The following IQCB1 variants were observed in gnomAD, a reference collection of about 807,000 sequenced individuals.
IQCB1 encodes IQ calmodulin-binding motif-containing protein 1.
A neutral mutation model predicts 84.4 loss-of-function variants in IQCB1; 56 were observed. That is an observed-to-expected ratio of 0.66 (90% CI 0.54 to 0.83). The LOEUF (loss-of-function observed/expected upper bound fraction) is 0.83. IQCB1 is among the 40% of genes least tolerant of loss of function. The pLI, the probability that IQCB1 is intolerant of heterozygous loss-of-function variation, is 0.00. For synonymous variants in IQCB1, 210 were observed against 234.8 expected, an observed-to-expected ratio of 0.89 and a Z score of 0.96; for missense variants, 629 against 682.1, an observed-to-expected ratio of 0.92 and a Z score of 0.87.
rs1948821736 is a variant in IQCB1 at position 121,788,368 on chromosome 3, C to A, written c.1194G>T (p.Trp398Cys). The A allele has an allele frequency of 6.2e-7, 1 of 1,613,732 alleles. No individual in the cohort carries two copies. The highest frequency in any genetic ancestry group is 8.5e-7 in the Non-Finnish European group (1 of 1,179,696). ...EKSALIIQKH[W>C]RGYRERKNFH... ...AATTTTTCCTTTCCCTGTACCCTCT[C>A]CAATGTTTCTGGATAATCAGTGCTG... The change falls in exon 12 of 15, where the codon TGG (tryptophan) becomes TGT (cysteine). Residue 398 changes from tryptophan to cysteine, a missense_variant. Physicochemically the swap from Trp to Cys is radical, Grantham distance 215. Transcript: ENST00000310864.
At chr3:121,813,095 A>G (rs890195130) in intron 5 of IQCB1, among the ~76,000 whole-genome samples, 2 of 151,986 alleles carry the variant, frequency 1.3e-5, no homozygotes, top group African/African-American at 2.4e-5. Context: ...ACAAGCCAAA[A>G]GAGAGTGGGG....
intron 7 of IQCB1, among the ~76,000 whole-genome samples, chr3:121,805,102 G>A (rs1016954199): frequency 1.3e-5 from 2 of 152,078 alleles, no homozygotes; most frequent in Admixed American, 6.6e-5. Flanking sequence ...AATAACTAGT[G>A]TCCTTGTCTG....
intron 6 of IQCB1, 97 bp downstream of exon 6, chr3:121,808,819 C>T: frequency 1.3e-6 from 1 of 748,378 alleles, no homozygotes; most frequent in Non-Finnish European, 2.4e-6. Flanking sequence ...TGGTTATCTG[C>T]ACAGTTCATG....
At chr3:121,785,123 T>G (rs1948654611) in intron 12 of IQCB1, among the ~76,000 whole-genome samples, 1 of 152,218 alleles carries the variant, frequency 6.6e-6, no homozygotes, top group Non-Finnish European at 1.5e-5. Context: ...ATGCCTCTGT[T>G]TTTGCATCAA....
intron 10 of IQCB1, among the ~76,000 whole-genome samples, chr3:121,793,759 AAAGC>A (rs905314818): frequency 2.0e-5 from 3 of 152,226 alleles, no homozygotes; most frequent in African/African-American, 7.2e-5. Context: ...TTACATAAAG[AAAGC>A]AATGGAATTT....
chr3:121,815,928 C>CAAAAA (rs36019026), intron 5 of IQCB1, among the ~76,000 whole-genome samples: 5 of 88,770 alleles, frequency 5.6e-5, no homozygotes, highest in East Asian at 3.8e-4. Flanking sequence ...CATGTGGAAC[C>CAAAAA]AAAAAAAAAA....
chr3:121,779,414 T>C (rs757878746), intron 13 of IQCB1, among the ~76,000 whole-genome samples: 5 of 152,212 alleles, frequency 3.3e-5, no homozygotes, highest in Non-Finnish European at 7.3e-5. Context: ...CAAAGTCTAA[T>C]CTGCTATTAT....
intron 10 of IQCB1, among the ~76,000 whole-genome samples, chr3:121,792,324 C>T (rs906955591): frequency 4.0e-5 from 6 of 151,824 alleles, no homozygotes; most frequent in African/African-American, 1.5e-4. Context: ...GACTATGGAG[C>T]ATGAAGGTGG....
intron 6 of IQCB1, among the ~76,000 whole-genome samples, chr3:121,808,058 C>T (rs545117574): frequency 1.4e-4 from 22 of 152,022 alleles, no homozygotes; most frequent in African/African-American, 5.1e-4. Flanking sequence ...GTAAAATATC[C>T]TAGAACAGGG....
chr3:121,801,965 C>G (rs1201637813), intron 7 of IQCB1, among the ~76,000 whole-genome samples: 1 of 151,832 alleles, frequency 6.6e-6, no homozygotes, highest in Non-Finnish European at 1.5e-5. Context: ...TAAACCAGCC[C>G]TGAATGCCGG....
chr3:121,824,992 G>GC (rs1950412508), intron 5 of IQCB1, among the ~76,000 whole-genome samples: 1 of 151,846 alleles, frequency 6.6e-6, no homozygotes, highest in Non-Finnish European at 1.5e-5. Flanking sequence ...CAAAACCTTT[G>GC]CATGGTTCTG....
intron 6 of IQCB1, among the ~76,000 whole-genome samples, chr3:121,807,969 C>A (rs1292198154): frequency 6.6e-6 from 1 of 151,932 alleles, no homozygotes; most frequent in African/African-American, 2.4e-5. Context: ...GCACTGGATA[C>A]TTATACAAGT....
At chr3:121,816,658 A>C (rs1422749914) in intron 5 of IQCB1, among the ~76,000 whole-genome samples, 2 of 152,232 alleles carry the variant, frequency 1.3e-5, no homozygotes, top group African/African-American at 4.8e-5. Context: ...AAACATATGA[A>C]AAAAAGCTCA....
chr3:121,779,746 C>CT (rs1015508895), intron 13 of IQCB1, among the ~76,000 whole-genome samples: 3 of 152,074 alleles, frequency 2.0e-5, no homozygotes, highest in African/African-American at 7.2e-5. Flanking sequence ...AATTTTGAGT[C>CT]TTTTTTTGGG....
intron 5 of IQCB1, among the ~76,000 whole-genome samples, chr3:121,824,084 AAC>A (rs1576613157): frequency 6.6e-6 from 1 of 152,354 alleles, no homozygotes; most frequent in Non-Finnish European, 1.5e-5. Flanking sequence ...CGCTATTTAA[AAC>A]AGACTCATTT....
chr3:121,802,479 T>C (rs1323493384), intron 7 of IQCB1, among the ~76,000 whole-genome samples: 1 of 152,138 alleles, frequency 6.6e-6, no homozygotes, highest in Non-Finnish European at 1.5e-5. Flanking sequence ...TCTGTTACGA[T>C]GTTACCTCTC....
In IQCB1 at chr3:121,781,730, A is replaced by C; in HGVS notation, c.1410+13T>G. 1 of 1,611,424 alleles carries C rather than the reference A, an allele frequency of 6.2e-7. No individual in the cohort carries two copies. The highest frequency in any genetic ancestry group is 8.5e-7 in the Non-Finnish European group (1 of 1,177,794). ...GAATAATGTAATACTGATATGGTACAGAAGCTTCATACCAAATGTCTTCTG... is the reference window on the plus strand; with the variant it reads ...GAATAATGTAATACTGATATGGTACCGAAGCTTCATACCAAATGTCTTCTG... On this transcript the variant is annotated intron_variant, in intron 13 of 14. Transcript: ENST00000310864.
intron 7 of IQCB1, among the ~76,000 whole-genome samples, chr3:121,804,436 G>A (rs929125878): frequency 6.6e-6 from 1 of 152,056 alleles, no homozygotes; most frequent in Non-Finnish European, 1.5e-5. Flanking sequence ...TTTTTGTAGT[G>A]TTGGTCTGCT....
chr3:121,788,901 T>C (rs1238278656), intron 11 of IQCB1, among the ~76,000 whole-genome samples: 2 of 152,112 alleles, frequency 1.3e-5, no homozygotes, highest in Non-Finnish European at 1.5e-5. Context: ...TCACAGTATA[T>C]ATGTGACAGA....
Sources: gnomAD v4.1 joint callset for allele counts (sites outside exome capture counted in the v4.1 genomes callset) on GRCh38, gnomAD v4.1.1 for gene constraint, MANE v1.5 for transcripts, NCBI Gene and HGNC (gene_info 2026-07-23, HGNC 2026-07-21) for gene names.